The following TNNI3K variants were observed in gnomAD, a reference collection of about 807,000 sequenced individuals.
TNNI3K encodes the protein serine/threonine-protein kinase TNNI3K.
TNNI3K carries 140 observed loss-of-function variants against 114.5 expected under a neutral mutation model. The ratio of observed to expected loss-of-function variants is 1.22; its 90% CI spans 1.07 to 1.41. The LOEUF (loss-of-function observed/expected upper bound fraction) is 1.41, where lower values mean the gene tolerates loss of function less well. TNNI3K is among the 40% of genes most tolerant of loss of function. TNNI3K has a pLI of 0.00. For synonymous variants in TNNI3K, 347 were observed against 347.5 expected (o/e 1.00, Z 0.02); for missense variants, 1,125 against 1,007.6 (o/e 1.12, Z -1.58).
chr1:74,247,043 T>C lies in TNNI3K; in HGVS notation c.150-2416T>C, dbSNP rs561873222. On this transcript the variant is annotated intron_variant, in intron 2 of 24. Coordinates refer to ENST00000326637, the MANE Select transcript of TNNI3K (RefSeq NM_015978.3). The stretch of plus-strand genomic sequence containing the variant: ...AATATATGTGACAATATGCATGACT[T>C]TGTCCTGTTGTGTCCGGAATTGGTG... Among the ~76,000 whole-genome samples, 38 of 152,310 alleles carry C rather than the reference T, an allele frequency of 2.5e-4. No individual in the cohort carries two copies. The South Asian group carries it at 7.7e-3, about 31-fold the overall frequency.
At chr1:74,440,175 T>C (rs868092680) in intron 20 of TNNI3K, among the ~76,000 whole-genome samples, 2 of 152,058 alleles carry the variant, frequency 1.3e-5, no homozygotes, top group African/African-American at 2.4e-5. Context: ...CATTATGCTT[T>C]GCTCATGTGT....
chr1:74,273,894 G>T (rs1190052295), intron 5 of TNNI3K, among the ~76,000 whole-genome samples: 1 of 151,870 alleles, frequency 6.6e-6, no homozygotes, highest in African/African-American at 2.4e-5. Flanking sequence ...AAAGAAAAGG[G>T]TATCCAAAAC....
At chr1:74,499,742 C>G (rs989990965) in intron 23 of TNNI3K, among the ~76,000 whole-genome samples, 1 of 152,058 alleles carries the variant, frequency 6.6e-6, no homozygotes, top group Non-Finnish European at 1.5e-5. Context: ...ATGAAAAGAT[C>G]TGACATCTTT....
chr1:74,530,641 C>A (rs1389080310), intron 23 of TNNI3K, among the ~76,000 whole-genome samples: 1 of 152,022 alleles, frequency 6.6e-6, no homozygotes, highest in Non-Finnish European at 1.5e-5. Flanking sequence ...GCCTCAGTTT[C>A]CTTCTTGGTA....
chr1:74,321,312 G>C (rs1446720766), intron 5 of TNNI3K, among the ~76,000 whole-genome samples: 1 of 152,034 alleles, frequency 6.6e-6, no homozygotes, highest in African/African-American at 2.4e-5. Flanking sequence ...TCTTTGGTGG[G>C]CTCCCTTGAC....
At chr1:74,240,908 A>G (rs1051761490) in intron 2 of TNNI3K, 1 of 151,726 alleles carries the variant, frequency 6.6e-6, no homozygotes, top group African/African-American at 2.4e-5. Context: ...CATTAGGTAT[A>G]TCTCCTAATG....
chr1:74,453,796 T>C (rs1028258631), intron 20 of TNNI3K, among the ~76,000 whole-genome samples: 5 of 152,190 alleles, frequency 3.3e-5, no homozygotes, highest in African/African-American at 1.2e-4. Flanking sequence ...AACAGTGTGA[T>C]GAATAAGAAA....
At chr1:74,280,178 C>A (rs989940572) in intron 5 of TNNI3K, among the ~76,000 whole-genome samples, 4 of 152,108 alleles carry the variant, frequency 2.6e-5, no homozygotes, top group Non-Finnish European at 5.9e-5. Context: ...GTCAGGAGAT[C>A]AAGACCATCC....
chr1:74,417,186 A>G (rs1171270730), intron 17 of TNNI3K, among the ~76,000 whole-genome samples: 1 of 152,064 alleles, frequency 6.6e-6, no homozygotes, highest in Non-Finnish European at 1.5e-5. Context: ...TTCTTAGGAT[A>G]TATGTGATGA....
intron 7 of TNNI3K, among the ~76,000 whole-genome samples, chr1:74,339,646 AGCCTCTTT>A (rs1660653188): frequency 6.6e-6 from 1 of 152,138 alleles, no homozygotes; most frequent in Non-Finnish European, 1.5e-5. Flanking sequence ...TTCTGAAAGC[AGCCTCTTT>A]GGTTCAGCAT....
chr1:74,391,501 A>G (rs1307872309), intron 17 of TNNI3K, among the ~76,000 whole-genome samples: 1 of 152,044 alleles, frequency 6.6e-6, no homozygotes, highest in Non-Finnish European at 1.5e-5. Flanking sequence ...GATTTTTGAG[A>G]CGTTAGTTGG....
At chr1:74,361,811 A>C (rs1661984322) in intron 11 of TNNI3K, among the ~76,000 whole-genome samples, 2 of 152,102 alleles carry the variant, frequency 1.3e-5, no homozygotes, top group Non-Finnish European at 2.9e-5. Context: ...ATATTTGAGG[A>C]AGAAAAGGAA....
intron 6 of TNNI3K, among the ~76,000 whole-genome samples, chr1:74,334,218 C>G (rs1272705032): frequency 6.6e-6 from 1 of 152,140 alleles, no homozygotes; most frequent in Non-Finnish European, 1.5e-5. Context: ...GACTGATTTC[C>G]AAACCCTTGC....
intron 23 of TNNI3K, among the ~76,000 whole-genome samples, chr1:74,497,378 A>G (rs1185816902): frequency 6.6e-6 from 1 of 151,886 alleles, no homozygotes; most frequent in Non-Finnish European, 1.5e-5. Flanking sequence ...AAAATTTTCA[A>G]ATATTCCCTT....
chr1:74,474,383 A>G (rs917009373), intron 21 of TNNI3K, among the ~76,000 whole-genome samples: 1 of 152,142 alleles, frequency 6.6e-6, no homozygotes, highest in Non-Finnish European at 1.5e-5. Flanking sequence ...GGAGTGTGGG[A>G]ATGCAATGGA....
intron 24 of TNNI3K, among the ~76,000 whole-genome samples, chr1:74,543,033 T>C (rs1399851036): frequency 6.7e-6 from 1 of 149,012 alleles, no homozygotes; most frequent in Non-Finnish European, 1.5e-5. Context: ...AAAGAAAGGC[T>C]CTTTCCTTTT....
intron 17 of TNNI3K, among the ~76,000 whole-genome samples, chr1:74,395,363 C>T (rs973961570): frequency 4.6e-5 from 7 of 152,082 alleles, no homozygotes; most frequent in Non-Finnish European, 1.0e-4. Flanking sequence ...GAGTGGGACT[C>T]CAGCCGAGAG....
chr1:74,368,093 C>A (rs1370349961), intron 13 of TNNI3K, 129 bp downstream of exon 13: 6 of 851,972 alleles, frequency 7.0e-6, no homozygotes, highest in Admixed American at 3.4e-5. Flanking sequence ...ATATTATTGA[C>A]AGACCGTTCT....
At chr1:74,529,214 A>G (rs532008802) in intron 23 of TNNI3K, among the ~76,000 whole-genome samples, 5 of 152,334 alleles carry the variant, frequency 3.3e-5, no homozygotes, top group East Asian at 3.9e-4. Flanking sequence ...GTAGAAGCCT[A>G]TCAGACATCA....
Sources: allele counts gnomAD v4.1 joint callset (sites outside exome capture counted in the v4.1 genomes callset), GRCh38; gene constraint gnomAD v4.1.1; transcripts MANE v1.5; gene names NCBI Gene and HGNC (gene_info 2026-07-23, HGNC 2026-07-21).